The following FHIT variants were observed in gnomAD, a reference collection of about 807,000 sequenced individuals.
FHIT encodes fragile histidine triad diadenosine triphosphatase, also known as bis(5'-adenosyl)-triphosphatase.
In FHIT, 19 loss-of-function variants were observed where a neutral mutation model predicts 17.9. The ratio of observed to expected loss-of-function variants is 1.06; its 90% CI spans 0.74 to 1.56. FHIT has a LOEUF of 1.56. FHIT is among the 40% of genes most tolerant of loss of function. The probability of loss-of-function intolerance (pLI) is 0.00; values close to 1 mark genes in which losing one functional copy is unlikely to be tolerated. For synonymous variants in FHIT, 81 were observed against 69.7 expected (o/e 1.16, Z -0.81); for missense variants, 248 against 189.2 (o/e 1.31, Z -1.82).
intron 4 of FHIT, among the ~76,000 whole-genome samples, chr3:60,588,218 C>T (rs1553662815): frequency 6.6e-6 from 1 of 152,056 alleles, no homozygotes; most frequent in Non-Finnish European, 1.5e-5. Context: ...GCCCTTAAGG[C>T]AGCTGAACTT....
At chr3:59,866,668 T>C (rs1258445335) in intron 8 of FHIT, among the ~76,000 whole-genome samples, 6 of 152,152 alleles carry the variant, frequency 3.9e-5, no homozygotes, top group South Asian at 2.1e-4. Flanking sequence ...AAAGGATTAC[T>C]TGAAATCACT....
intron 7 of FHIT, among the ~76,000 whole-genome samples, chr3:59,980,485 C>A (rs561566791): frequency 6.6e-6 from 1 of 152,110 alleles, no homozygotes; most frequent in African/African-American, 2.4e-5. Flanking sequence ...AGTTTCTAAC[C>A]GGACTTTGGA....
chr3:61,197,697 C>G (rs947071601), intron 2 of FHIT, among the ~76,000 whole-genome samples: 1 of 152,096 alleles, frequency 6.6e-6, no homozygotes, highest in Non-Finnish European at 1.5e-5. Flanking sequence ...AATAAAAATT[C>G]AGGGAAAAGT....
chr3:60,584,868 T>G (rs974004572), intron 4 of FHIT, among the ~76,000 whole-genome samples: 4 of 152,052 alleles, frequency 2.6e-5, no homozygotes, highest in Non-Finnish European at 5.9e-5. Flanking sequence ...CTATATATTA[T>G]TTGTTTTTAA....
chr3:60,534,396 G>A (rs1271032638), intron 5 of FHIT, among the ~76,000 whole-genome samples: 1 of 122,766 alleles, frequency 8.1e-6, no homozygotes, highest in South Asian at 3.0e-4. Context: ...TTGCGCCACT[G>A]CAGTCCGCAG....
At chr3:60,589,254 C>A (rs781784773) in intron 4 of FHIT, among the ~76,000 whole-genome samples, 34 of 152,184 alleles carry the variant, frequency 2.2e-4, no homozygotes, top group African/African-American at 8.2e-4. Flanking sequence ...ATGCAAAGCA[C>A]GTGGAGTGAA....
chr3:59,872,870 C>T (rs181789669), intron 8 of FHIT, among the ~76,000 whole-genome samples: 219 of 152,290 alleles, frequency 1.4e-3, no homozygotes, highest in African/African-American at 5.0e-3. Flanking sequence ...CCAACTTGTA[C>T]AGCCAGCACA....
intron 5 of FHIT, among the ~76,000 whole-genome samples, chr3:60,070,577 A>G (rs67984492): frequency 0.12 from 15,816 of 133,842 alleles, 909 homozygotes; most frequent in African/African-American, 0.14. Context: ...AGGGAAGACA[A>G]ACAAAGATTT....
intron 2 of FHIT, among the ~76,000 whole-genome samples, chr3:61,181,176 G>A (rs2038329269): frequency 6.6e-6 from 1 of 152,148 alleles, no homozygotes; most frequent in Non-Finnish European, 1.5e-5. Flanking sequence ...TCAACGGAAA[G>A]AAGAATTTAG....
chr3:60,479,837 C>T (rs1327191196), intron 5 of FHIT, among the ~76,000 whole-genome samples: 3 of 152,176 alleles, frequency 2.0e-5, no homozygotes, highest in South Asian at 2.1e-4. Flanking sequence ...CAGTTTCATT[C>T]CAAAACTGTC....
intron 2 of FHIT, among the ~76,000 whole-genome samples, chr3:61,139,534 T>C (rs565247397): frequency 6.6e-6 from 1 of 152,014 alleles, no homozygotes; most frequent in Non-Finnish European, 1.5e-5. Context: ...CCTTTGAATT[T>C]TTAGCTCTCG....
chr3:59,766,088 A>G (rs922684910), intron 8 of FHIT, among the ~76,000 whole-genome samples: 3 of 152,190 alleles, frequency 2.0e-5, no homozygotes, highest in African/African-American at 7.2e-5. Context: ...ATGTGAGGAG[A>G]CAAGGGGATG....
intron 2 of FHIT, among the ~76,000 whole-genome samples, chr3:61,051,012 A>G (rs2034004772): frequency 1.3e-5 from 2 of 152,184 alleles, no homozygotes; most frequent in Admixed American, 1.3e-4. Flanking sequence ...ATACTCATAC[A>G]CGTGCAGACA....
chr3:60,722,737 G>A (rs112639349), intron 4 of FHIT, among the ~76,000 whole-genome samples: 14,461 of 133,406 alleles, frequency 0.11, 959 homozygotes, highest in Non-Finnish European at 0.14. Context: ...TTTTTAGATG[G>A]AGTCTTGCTC....
At chr3:59,823,013 C>T (rs775603682) in intron 8 of FHIT, among the ~76,000 whole-genome samples, 6 of 152,148 alleles carry the variant, frequency 3.9e-5, no homozygotes, top group East Asian at 1.9e-4. Context: ...TATTCTCCTA[C>T]GTGTGACTTG....
intron 5 of FHIT, among the ~76,000 whole-genome samples, chr3:60,281,636 G>T (rs1488273847): frequency 3.1e-5 from 2 of 64,014 alleles, no homozygotes; most frequent in Non-Finnish European, 7.6e-5. Context: ...AAAAAAGGGG[G>T]GATCTACACA....
rs534368868 is a variant in FHIT at position 60,879,193 on chromosome 3, A to G, written c.-110-57182T>C. On this transcript the variant is annotated intron_variant, in intron 3 of 9. Transcript: ENST00000492590. ...TAATGATCGCCATTCTAACTGGTGT[A>G]AGATGGTATCTCATTGTGGTTTTGA... Among the ~76,000 whole-genome samples the G allele has an allele frequency of 8.5e-5, 13 of 152,090 alleles. No individual in the cohort carries two copies. In the South Asian group the frequency reaches 1.2e-3, roughly 15 times the overall value.
At chr3:60,362,464 C>A (rs138923270) in intron 5 of FHIT, among the ~76,000 whole-genome samples, 1 of 152,098 alleles carries the variant, frequency 6.6e-6, no homozygotes, top group African/African-American at 2.4e-5. Context: ...TATCTCACCA[C>A]ACTTTTTGTT....
intron 7 of FHIT, among the ~76,000 whole-genome samples, chr3:60,006,502 G>A (rs777998397): frequency 6.6e-6 from 1 of 152,110 alleles, no homozygotes; most frequent in South Asian, 2.1e-4. Context: ...CCATGATGTG[G>A]CAGGGCCGGG....
Sources: gnomAD v4.1 joint callset for allele counts (sites outside exome capture counted in the v4.1 genomes callset) on GRCh38, gnomAD v4.1.1 for gene constraint, MANE v1.5 for transcripts, NCBI Gene and HGNC (gene_info 2026-07-23, HGNC 2026-07-21) for gene names.